The following ANO2 variants were observed in gnomAD, a reference collection of about 807,000 sequenced individuals.
ANO2 encodes the protein anoctamin 2, also known as anoctamin-2.
Under a neutral mutation model 124.2 loss-of-function variants are expected in ANO2, and 101 were observed. The ratio of observed to expected loss-of-function variants is 0.81; its 90% CI spans 0.69 to 0.96. The LOEUF (loss-of-function observed/expected upper bound fraction) is 0.96, where lower values mean the gene tolerates loss of function less well. ANO2 is among the 40% of genes least tolerant of loss of function. The pLI is 0.00. For synonymous variants in ANO2, 486 were observed against 482.5 expected, an observed-to-expected ratio of 1.01 and a Z score of -0.09; for missense variants, 1,293 against 1,274.5, an observed-to-expected ratio of 1.01 and a Z score of -0.22.
intron 19 of ANO2, among the ~76,000 whole-genome samples, chr12:5,610,226 CTTAT>C (rs1565471058): frequency 1.1e-3 from 112 of 99,394 alleles, no homozygotes; most frequent in African/African-American, 4.7e-3. Flanking sequence ...TAAATATATA[CTTAT>C]ATAAATATAT....
intron 1 of ANO2, among the ~76,000 whole-genome samples, chr12:5,938,994 G>A (rs1591817358): frequency 3.3e-5 from 5 of 151,244 alleles, no homozygotes; most frequent in South Asian, 2.1e-4. Flanking sequence ...CGAGGCAGGC[G>A]GATGATGAGG....
chr12:5,565,608 G>C lies in ANO2; in HGVS notation c.2677C>G (p.Gln893Glu). 1 of 1,606,396 alleles carries C rather than the reference G, an allele frequency of 6.2e-7. No individual in the cohort carries two copies. Among genetic ancestry groups the C allele is most frequent in the Non-Finnish European group, 8.5e-7 (1 of 1,176,318 alleles). ...WAPNPYEFSK[Q>E]YWFILSARLA... ...CGGGCGGACAGAATAAACCAGTACT[G>C]TTTCGAAAACTCATAAGGGTTCGGG... Residue 893 changes from glutamine (Q) to glutamate (E), a missense_variant, in exon 24 of 25, where the codon CAG becomes GAG. Gln to Glu is a conservative substitution (Grantham distance 29). Coordinates refer to ENST00000682330, the MANE Select transcript of ANO2 (RefSeq NM_001364791.2).
intron 10 of ANO2, among the ~76,000 whole-genome samples, chr12:5,776,670 C>A (rs957069726): frequency 2.6e-5 from 4 of 152,180 alleles, no homozygotes; most frequent in Non-Finnish European, 5.9e-5. Flanking sequence ...ATGTGAGTAA[C>A]CTTTGCCTGG....
At chr12:5,620,466 G>A (rs111655374) in intron 16 of ANO2, among the ~76,000 whole-genome samples, 4,838 of 152,252 alleles carry the variant, frequency 0.032, 260 homozygotes, top group African/African-American at 0.11. Context: ...AATCTACAGG[G>A]GTTGAATTGG....
intron 10 of ANO2, among the ~76,000 whole-genome samples, chr12:5,767,085 A>G (rs1196550796): frequency 6.6e-6 from 1 of 152,244 alleles, no homozygotes; most frequent in Non-Finnish European, 1.5e-5. Flanking sequence ...CAGCCCTGTC[A>G]GCTGGAGGGC....
chr12:5,695,754 T>A (rs898776690), intron 14 of ANO2, among the ~76,000 whole-genome samples: 4 of 152,198 alleles, frequency 2.6e-5, no homozygotes, highest in Non-Finnish European at 4.4e-5. Context: ...GGTAGGAGCA[T>A]CGCTTGAACC....
At chr12:5,691,901 T>TAA (rs566579054) in intron 14 of ANO2, among the ~76,000 whole-genome samples, 1 of 144,502 alleles carries the variant, frequency 6.9e-6, no homozygotes, top group Non-Finnish European at 1.5e-5. Flanking sequence ...GAGACTATCT[T>TAA]AAAAAAAAAA....
intron 16 of ANO2, among the ~76,000 whole-genome samples, chr12:5,623,662 G>A (rs1945241228): frequency 1.3e-5 from 2 of 152,206 alleles, no homozygotes; most frequent in Admixed American, 1.3e-4. Context: ...GACGCCAGCT[G>A]CAGGCTCTGA....
chr12:5,913,898 A>G (rs1443014048), intron 3 of ANO2, among the ~76,000 whole-genome samples: 6 of 152,244 alleles, frequency 3.9e-5, no homozygotes, highest in Non-Finnish European at 8.8e-5. Context: ...AGGAGGTGGA[A>G]AGTGGGATGG....
intron 14 of ANO2, among the ~76,000 whole-genome samples, chr12:5,704,127 G>C (rs1035627731): frequency 2.0e-5 from 3 of 152,154 alleles, no homozygotes; most frequent in African/African-American, 7.2e-5. Context: ...CAAAAAGATT[G>C]GGTGTGGGGG....
intron 4 of ANO2, among the ~76,000 whole-genome samples, chr12:5,852,135 A>G (rs11063885): frequency 0.12 from 17,569 of 152,210 alleles, 1,141 homozygotes; most frequent in East Asian, 0.27. Context: ...ACCCCACCAG[A>G]AGGAAGCAGA....
chr12:5,635,374 A>G lies in ANO2; in HGVS notation c.1621-27T>C. 6.7e-7 allele frequency: 1 copy of G among 1,498,390 alleles called. No homozygotes were observed. 92.8% of individuals were successfully genotyped at this position (1,498,390 alleles called of 1,614,324 possible). A position where few individuals can be genotyped will look rare whatever the true frequency, so the allele number is the denominator to read the frequency against. On this transcript the variant is annotated intron_variant, in intron 15 of 24. Transcript: ENST00000682330. This position sits in a 1 kb window ranked among gnomAD's most constrained non-coding sequence, Gnocchi z 5.2. ...TGTTTGGGAAAACAGAGAGAAGTAC[A>G]CATCAGCCGGCAATTACCGAGCACC...
At chr12:5,602,084 A>G (rs1226366213) in intron 19 of ANO2, among the ~76,000 whole-genome samples, 1 of 152,230 alleles carries the variant, frequency 6.6e-6, no homozygotes, top group African/African-American at 2.4e-5. Context: ...CAACAGGGGC[A>G]AGAAGTTTAT....
In ANO2 at chr12:5,575,964, A is replaced by G. The variant is rs1437423425; in HGVS notation, c.2491T>C (p.Tyr831His). The G allele has an allele frequency of 6.2e-7, 1 of 1,613,004 alleles. No individual in the cohort carries two copies. Among genetic ancestry groups the G allele is most frequent in the Non-Finnish European group, 8.5e-7 (1 of 1,179,520 alleles). ...SDFIPRLVYQYSYSHNGTLHG... is the reference protein window; with the variant it reads ...SDFIPRLVYQHSYSHNGTLHG... ...AGAGTCCCATTGTGACTGTAGGAGT[A>G]CTGGTACACCAGGCGGGGGATAAAG... is the stretch of plus-strand genomic sequence containing the variant. Residue 831 changes from tyrosine (Y) to histidine (H), a missense_variant, in exon 23 of 25, where the codon TAC (tyrosine) becomes CAC (histidine). Coordinates refer to ENST00000682330, the MANE Select transcript of ANO2 (RefSeq NM_001364791.2).
chr12:5,831,112 C>A (rs1954136442), intron 5 of ANO2, among the ~76,000 whole-genome samples: 1 of 152,100 alleles, frequency 6.6e-6, no homozygotes. Flanking sequence ...GCACATGGGG[C>A]ATGTTTGTCA....
At chr12:5,738,712 G>C (rs1022171222) in intron 13 of ANO2, among the ~76,000 whole-genome samples, 2 of 152,128 alleles carry the variant, frequency 1.3e-5, no homozygotes, top group Non-Finnish European at 2.9e-5. Context: ...CATCGGGAAT[G>C]GGGGGCTAGT....
chr12:5,928,056 C>A (rs1483030561), intron 1 of ANO2, among the ~76,000 whole-genome samples: 3 of 152,112 alleles, frequency 2.0e-5, no homozygotes, highest in Non-Finnish European at 2.9e-5. Context: ...AGAGAAAGGG[C>A]AGAAAGTGAG....
chr12:5,691,341 AAAAAAAGAAG>A (rs1375094135), intron 14 of ANO2, among the ~76,000 whole-genome samples: 9 of 146,660 alleles, frequency 6.1e-5, no homozygotes, highest in Non-Finnish European at 1.3e-4. Flanking sequence ...AAAAAAAAAA[AAAAAAAGAAG>A]AAGAAGAAGA....
At chr12:5,735,127 C>T (rs976100322) in intron 13 of ANO2, among the ~76,000 whole-genome samples, 1 of 152,140 alleles carries the variant, frequency 6.6e-6, no homozygotes, top group Non-Finnish European at 1.5e-5. Flanking sequence ...GACAACTGAG[C>T]TCCTGGCCAG....
Sources: allele counts gnomAD v4.1 joint callset (sites outside exome capture counted in the v4.1 genomes callset), GRCh38; gene constraint gnomAD v4.1.1; non-coding constraint Gnocchi (gnomAD v3.1); transcripts MANE v1.5; gene names NCBI Gene and HGNC (gene_info 2026-07-23, HGNC 2026-07-21).